Variants in SV2C observed in about 807,000 individuals in gnomAD.
SV2C encodes the protein synaptic vesicle glycoprotein 2C, also known as solute carrier family 22 member B3.
A neutral mutation model predicts 79.7 loss-of-function variants in SV2C; 49 were observed. The observed-to-expected ratio is 0.61, with a 90% CI of 0.49 to 0.78. SV2C has a LOEUF of 0.78. SV2C is among the 30% of genes least tolerant of loss of function. SV2C has a pLI of 0.00. For synonymous variants in SV2C, 334 were observed against 333.2 expected (o/e 1.00, Z -0.03); for missense variants, 833 against 912.9 (o/e 0.91, Z 1.13).
At chr5:75,874,975 A>G in the SV2C span, among the ~76,000 whole-genome samples, 1 of 152,228 alleles carries the variant, frequency 6.6e-6, no homozygotes. Context: ...TAAAATGGCT[A>G]TACTGCCCAA....
chr5:76,139,517 A>T (rs1400056520), intron 2 of SV2C, among the ~76,000 whole-genome samples: 2 of 152,086 alleles, frequency 1.3e-5, no homozygotes, highest in African/African-American at 4.8e-5. Context: ...TTTTTCTATC[A>T]GTCGTGGTGA....
intron 2 of SV2C, among the ~76,000 whole-genome samples, chr5:76,192,371 C>A (rs1318939201): frequency 6.6e-6 from 1 of 152,152 alleles, no homozygotes; most frequent in African/African-American, 2.4e-5. Context: ...ATTTCAAGTT[C>A]TGACTTCTGA....
At chr5:76,159,281 G>A (rs1742830443) in intron 2 of SV2C, among the ~76,000 whole-genome samples, 1 of 151,992 alleles carries the variant, frequency 6.6e-6, no homozygotes, top group Admixed American at 6.6e-5. Flanking sequence ...TCTAGCTGGG[G>A]CAATTAAGTG....
chr5:75,977,818 G>C, the SV2C span, among the ~76,000 whole-genome samples: 1 of 152,070 alleles, frequency 6.6e-6, no homozygotes, highest in Admixed American at 6.6e-5. Context: ...CCCTCACCTA[G>C]TTAAGGACAT....
the SV2C span, among the ~76,000 whole-genome samples, chr5:76,032,545 G>A: frequency 1.9e-4 from 29 of 152,210 alleles, no homozygotes; most frequent in South Asian, 2.3e-3. Flanking sequence ...ATGATTTCCA[G>A]TTTCATCCAT....
chr5:75,993,937 A>G, the SV2C span, among the ~76,000 whole-genome samples: 3 of 152,112 alleles, frequency 2.0e-5, no homozygotes, highest in Non-Finnish European at 2.9e-5. Context: ...GGAAAGCACA[A>G]AGAATTTTTC....
chr5:76,298,672 G>A lies in SV2C; in HGVS notation c.1503-122G>A, dbSNP rs184703298. The A allele has an allele frequency of 7.0e-6, 8 of 1,140,910 alleles. No individual in the cohort carries two copies. In the African/African-American group the frequency reaches 1.2e-4, roughly 18 times the overall value. The allele number at this position is 1,140,910 out of a possible 1,614,324, so 70.7% of individuals were successfully genotyped here. A position where few individuals can be genotyped will look rare whatever the true frequency, so the allele number is the denominator to read the frequency against. Reference sequence around the variant, plus strand: ...GAGAGCTAAGAAAATCAAGAACTCTGTGTTCTTTATAATTAAGACAGTCCA... The same window carrying A: ...GAGAGCTAAGAAAATCAAGAACTCTATGTTCTTTATAATTAAGACAGTCCA... On this transcript the variant is annotated intron_variant, in intron 9 of 12. Transcript: ENST00000502798.
At chr5:76,094,700 G>A (rs1307855687) in intron 1 of SV2C, among the ~76,000 whole-genome samples, 1 of 151,914 alleles carries the variant, frequency 6.6e-6, no homozygotes, top group Non-Finnish European at 1.5e-5. Flanking sequence ...TATATCTTTG[G>A]GGAACCATTT....
intron 1 of SV2C, among the ~76,000 whole-genome samples, chr5:76,103,356 C>A (rs920872680): frequency 3.3e-5 from 5 of 152,004 alleles, no homozygotes; most frequent in African/African-American, 9.7e-5. Context: ...GAAATTTAAA[C>A]AATAATTTAT....
At chr5:75,892,886 T>C in the SV2C span, among the ~76,000 whole-genome samples, 2 of 152,110 alleles carry the variant, frequency 1.3e-5, no homozygotes, top group Non-Finnish European at 2.9e-5. Flanking sequence ...GATGAACATA[T>C]GAGTGCATGT....
the SV2C span, among the ~76,000 whole-genome samples, chr5:76,046,240 A>G: frequency 6.6e-6 from 1 of 152,094 alleles, no homozygotes; most frequent in Admixed American, 6.5e-5. Context: ...AGAAACTAAG[A>G]CACTTTGATC....
rs1221680888 is a variant in SV2C at position 76,285,149 on chromosome 5, C to T, written c.914-13C>T. On this transcript the variant is annotated splice_polypyrimidine_tract_variant and intron_variant, in intron 4 of 12. Transcript: ENST00000502798. ...AGGAGCTCTCCCTCACTCTCCGTGT[C>T]CTCCTTTTCCAGGGTGGAGCTTCAG... 1 of 1,613,748 alleles carries T rather than the reference C, an allele frequency of 6.2e-7. No individual in the cohort carries two copies. Among genetic ancestry groups the T allele is most frequent in the East Asian group, 2.2e-5 (1 of 44,878 alleles).
intron 9 of SV2C, among the ~76,000 whole-genome samples, chr5:76,298,371 T>C (rs563960982): frequency 3.3e-5 from 5 of 152,204 alleles, no homozygotes; most frequent in African/African-American, 1.2e-4. Flanking sequence ...TATTAAAAGA[T>C]CGGGTAGGAG....
At chr5:76,226,804 A>G (rs936372972) in intron 4 of SV2C, among the ~76,000 whole-genome samples, 1 of 152,152 alleles carries the variant, frequency 6.6e-6, no homozygotes, top group African/African-American at 2.4e-5. Flanking sequence ...GCCTGTGCTG[A>G]TGGAGAAAGA....
At chr5:76,121,962 G>T (rs565830821) in intron 1 of SV2C, among the ~76,000 whole-genome samples, 1 of 152,188 alleles carries the variant, frequency 6.6e-6, no homozygotes, top group South Asian at 2.1e-4. Flanking sequence ...ACCTTGGGCA[G>T]TATGGCCATT....
intron 3 of SV2C, among the ~76,000 whole-genome samples, chr5:76,202,209 CTT>C (rs1561262316): frequency 6.6e-6 from 1 of 152,018 alleles, no homozygotes; most frequent in Non-Finnish European, 1.5e-5. Flanking sequence ...TTGTTTAAGA[CTT>C]TTAAAATGTA....
chr5:75,946,410 A>C, the SV2C span, among the ~76,000 whole-genome samples: 1 of 152,118 alleles, frequency 6.6e-6, no homozygotes, highest in Admixed American at 6.6e-5. Flanking sequence ...TGAACTCTCT[A>C]GTCAGTTCCA....
rs1580280476 is a variant in SV2C, at chr5:76,119,637, A to T, written c.-101-12013A>T. ...GGAAATCCAGAATTGAGCCACCGAC[A>T]GAAAAACTAATTGAGAAGTTTGTGA... is the stretch of plus-strand genomic sequence containing the variant. On this transcript the variant is annotated intron_variant, in intron 1 of 12. Transcript: ENST00000502798. Among the ~76,000 whole-genome samples, 2 of 152,290 alleles carry T rather than the reference A, an allele frequency of 1.3e-5. 1 individual carries two copies. Among genetic ancestry groups the T allele is most frequent in the East Asian group, 3.9e-4 (2 of 5,184 alleles).
At chr5:76,235,992 C>A (rs2112410142) in intron 4 of SV2C, among the ~76,000 whole-genome samples, 1 of 152,252 alleles carries the variant, frequency 6.6e-6, no homozygotes, top group East Asian at 1.9e-4. Context: ...TTGCAGAGCT[C>A]AGTGGAGGTT....
Sources: allele counts gnomAD v4.1 joint callset (sites outside exome capture counted in the v4.1 genomes callset), GRCh38; gene constraint gnomAD v4.1.1; transcripts MANE v1.5; gene names NCBI Gene and HGNC (gene_info 2026-07-23, HGNC 2026-07-21).